The following ARHGAP26 variants were observed in gnomAD, a reference collection of about 807,000 sequenced individuals.
The protein encoded by ARHGAP26 is Rho GTPase activating protein 26, also known as rho GTPase-activating protein 26.
ARHGAP26 carries 38 observed loss-of-function variants against 104.8 expected under a neutral mutation model. The ratio of observed to expected loss-of-function variants is 0.36; its 90% confidence interval spans 0.28 to 0.48. The LOEUF (loss-of-function observed/expected upper bound fraction) is 0.48. ARHGAP26 is among the 20% of genes least tolerant of loss of function. The pLI, the probability that ARHGAP26 is intolerant of heterozygous loss-of-function variation, is 0.99. For synonymous variants in ARHGAP26, 341 were observed against 340.0 expected (o/e 1.00, Z -0.03); for missense variants, 704 against 947.9 (o/e 0.74, Z 3.38).
intron 9 of ARHGAP26, 73 bp downstream of exon 9, chr5:142,907,877 T>A: frequency 2.0e-6 from 2 of 1,009,338 alleles, no homozygotes; most frequent in Non-Finnish European, 3.0e-6. Flanking sequence ...ATGTATAAAG[T>A]AACACCTCCA....
At chr5:143,159,639 G>T (rs185088372) in intron 20 of ARHGAP26, among the ~76,000 whole-genome samples, 1 of 152,304 alleles carries the variant, frequency 6.6e-6, no homozygotes, top group Admixed American at 6.5e-5. Context: ...CTGATGTAGG[G>T]TCTGAGTGGT....
At position 143,018,864 on chromosome 5, in the gene ARHGAP26, C is replaced by G. The variant is rs1779929095; in HGVS notation, c.1144+4748C>G. ...TCTATAATAAGTTTAAGAAGTTTCC[C>G]CTAAAATAAAATTTTTCTTTGCGAG... On this transcript the variant is annotated intron_variant, in intron 12 of 22. Coordinates refer to ENST00000645722, the MANE Select transcript of ARHGAP26 (RefSeq NM_001135608.3). 2.0e-5 allele frequency among the ~76,000 whole-genome samples: 3 copies of G among 152,066 alleles called. No homozygotes were observed. The South Asian group carries it at 6.2e-4, about 32-fold the overall frequency.
chr5:143,219,851 G>A (rs999893087), intron 22 of ARHGAP26, among the ~76,000 whole-genome samples: 4 of 152,302 alleles, frequency 2.6e-5, no homozygotes, highest in South Asian at 4.1e-4. Flanking sequence ...TGAGGGTTCC[G>A]AAGCACATGG....
chr5:142,918,635 C>T (rs1490482259), intron 10 of ARHGAP26, among the ~76,000 whole-genome samples: 1 of 152,056 alleles, frequency 6.6e-6, no homozygotes, highest in Non-Finnish European at 1.5e-5. Flanking sequence ...CTAGTGCCTT[C>T]CTTTTTTTCA....
intron 1 of ARHGAP26, among the ~76,000 whole-genome samples, chr5:142,849,924 AC>A (rs143525315): frequency 0.033 from 5,018 of 151,852 alleles, 174 homozygotes; most frequent in East Asian, 0.15. Context: ...TAGTCCCCAA[AC>A]CCCACGGGTG....
intron 17 of ARHGAP26, among the ~76,000 whole-genome samples, chr5:143,102,382 G>T (rs1269820958): frequency 1.3e-5 from 2 of 152,160 alleles, no homozygotes; most frequent in African/African-American, 4.8e-5. Context: ...CTTCATTAAA[G>T]ACCTCAGTGT....
rs1562417788 is a variant in ARHGAP26 at position 143,097,194 on chromosome 5, C to T, written c.1539-23794C>T. Among the ~76,000 whole-genome samples the T allele has an allele frequency of 6.6e-5, 10 of 151,380 alleles. No individual in the cohort carries two copies. In the South Asian group the frequency reaches 2.1e-3, roughly 32 times the overall value. ...TCTCTACTAAAAATACAAAAATTAGCTGGGCATGGTGGTGCGTGCCTGTAA... is the reference window on the plus strand; with the variant it reads ...TCTCTACTAAAAATACAAAAATTAGTTGGGCATGGTGGTGCGTGCCTGTAA... On this transcript the variant is annotated intron_variant, in intron 17 of 22. Coordinates refer to ENST00000645722, the MANE Select transcript of ARHGAP26 (RefSeq NM_001135608.3).
At chr5:142,996,807 G>C (rs1776470926) in intron 11 of ARHGAP26, among the ~76,000 whole-genome samples, 1 of 152,180 alleles carries the variant, frequency 6.6e-6, no homozygotes, top group Non-Finnish European at 1.5e-5. Flanking sequence ...CATCTGCATG[G>C]AGGCATTGTT....
chr5:143,022,105 C>G (rs910378655), intron 12 of ARHGAP26, among the ~76,000 whole-genome samples: 4 of 151,896 alleles, frequency 2.6e-5, no homozygotes, highest in African/African-American at 9.7e-5. Context: ...TTTTGAGACC[C>G]CTGTCACCCA....
chr5:143,214,384 G>A (rs1200075380), intron 22 of ARHGAP26, among the ~76,000 whole-genome samples: 1 of 152,186 alleles, frequency 6.6e-6, no homozygotes, highest in African/African-American at 2.4e-5. Flanking sequence ...GGACCTGGAA[G>A]TGGCTTTAAG....
chr5:143,132,604 A>T (rs1797477326), intron 18 of ARHGAP26, among the ~76,000 whole-genome samples: 1 of 152,162 alleles, frequency 6.6e-6, no homozygotes. Flanking sequence ...AGAATAAAGA[A>T]TATAATTTCA....
At chr5:143,187,079 G>A (rs1351990387) in intron 20 of ARHGAP26, among the ~76,000 whole-genome samples, 3 of 152,046 alleles carry the variant, frequency 2.0e-5, no homozygotes, top group Non-Finnish European at 4.4e-5. Flanking sequence ...TAAGTATATT[G>A]TATATATTAT....
intron 1 of ARHGAP26, among the ~76,000 whole-genome samples, chr5:142,846,380 CGTGCCT>C (rs1211310266): frequency 1.3e-5 from 2 of 152,164 alleles, no homozygotes; most frequent in African/African-American, 4.8e-5. Flanking sequence ...TGCCACCTTT[CGTGCCT>C]GTCTCTTGCT....
chr5:142,885,260 G>C, intron 4 of ARHGAP26, 38 bp from the exon 5 acceptor site: 1 of 1,565,034 alleles, frequency 6.4e-7, no homozygotes, highest in Non-Finnish European at 8.8e-7. Flanking sequence ...CCTGCAACGT[G>C]TTACTCTTTT....
intron 5 of ARHGAP26, among the ~76,000 whole-genome samples, chr5:142,888,721 A>G (rs1758061896): frequency 6.6e-6 from 1 of 152,208 alleles, no homozygotes; most frequent in Admixed American, 6.5e-5. Flanking sequence ...ATAGTTTTTG[A>G]ATGGTAAAAA....
intron 3 of ARHGAP26, among the ~76,000 whole-genome samples, chr5:142,878,765 T>TGGTGCGTTTGA (rs1371547136): frequency 6.6e-6 from 1 of 152,130 alleles, no homozygotes; most frequent in African/African-American, 2.4e-5. Flanking sequence ...GGGACGAGTT[T>TGGTGCGTTTGA]GGTGCGTTTG....
At chr5:142,800,235 C>A (rs982022767) in intron 1 of ARHGAP26, among the ~76,000 whole-genome samples, 1 of 152,186 alleles carries the variant, frequency 6.6e-6, no homozygotes, top group East Asian at 1.9e-4. Context: ...AGGGAGGGCT[C>A]TAGAGACATG....
intron 11 of ARHGAP26, among the ~76,000 whole-genome samples, chr5:142,993,219 G>T (rs1361775728): frequency 6.7e-6 from 1 of 148,288 alleles, no homozygotes; most frequent in African/African-American, 2.5e-5. Context: ...CCGGACTGCG[G>T]ACTGCAGTGG....
chr5:143,150,737 T>G lies in ARHGAP26; in HGVS notation c.1988+3356T>G, dbSNP rs1799751076. ...ACATCCATATACACAAAAATGAATC[T>G]AGATACAGACATTATACCTTTCACA... is the stretch of plus-strand genomic sequence containing the variant. On this transcript the variant is annotated intron_variant, in intron 20 of 22. Transcript: ENST00000645722. 2.6e-5 allele frequency among the ~76,000 whole-genome samples: 4 copies of G among 152,322 alleles called. No homozygotes were observed. In the South Asian group the frequency reaches 8.3e-4, roughly 32 times the overall value.
Sources: allele counts gnomAD v4.1 joint callset (sites outside exome capture counted in the v4.1 genomes callset), GRCh38; gene constraint gnomAD v4.1.1; transcripts MANE v1.5; gene names NCBI Gene and HGNC (gene_info 2026-07-23, HGNC 2026-07-21).